ABCC1: variants seen among roughly 807,000 people sequenced by gnomAD.
ABCC1 encodes multidrug resistance-associated protein 1.
ABCC1 carries 83 observed loss-of-function variants against 172.9 expected under a neutral mutation model. The observed-to-expected ratio is 0.48, with a 90% CI of 0.40 to 0.58. The LOEUF is 0.58. ABCC1 is among the 20% of genes least tolerant of loss of function. ABCC1 has a pLI of 0.00. For synonymous variants in ABCC1, 937 were observed against 825.2 expected (o/e 1.14, Z -2.32); for missense variants, 1,817 against 2,002.7 (o/e 0.91, Z 1.77).
intron 1 of ABCC1, among the ~76,000 whole-genome samples, chr16:15,992,269 T>C (rs1303550453): frequency 1.3e-5 from 2 of 152,078 alleles, no homozygotes; most frequent in Non-Finnish European, 2.9e-5. Context: ...TGTATAATTA[T>C]TTCATTATAT....
chr16:16,102,838 C>A, intron 20 of ABCC1, 121 bp downstream of exon 20: 1 of 845,354 alleles, frequency 1.2e-6, no homozygotes, highest in Non-Finnish European at 1.8e-6. Flanking sequence ...TTTTACCTTC[C>A]CTCCCAAATC....
chr16:16,018,593 A>T (rs1057088828), intron 5 of ABCC1, among the ~76,000 whole-genome samples: 2 of 152,034 alleles, frequency 1.3e-5, no homozygotes, highest in Non-Finnish European at 2.9e-5. Flanking sequence ...TGTTCTGAGG[A>T]GTCCCGTGTT....
chr16:16,129,672 A>C (rs1187669733), intron 26 of ABCC1, among the ~76,000 whole-genome samples: 1 of 151,386 alleles, frequency 6.6e-6, no homozygotes, highest in Non-Finnish European at 1.5e-5. Flanking sequence ...CAAGTAGCTG[A>C]GATTACAGGC....
chr16:16,132,643 T>G (rs2045748789), intron 27 of ABCC1, among the ~76,000 whole-genome samples: 1 of 146,604 alleles, frequency 6.8e-6, no homozygotes, highest in African/African-American at 2.5e-5. Context: ...TGCCTTAGCC[T>G]CCCGAGTAGC....
intron 1 of ABCC1, among the ~76,000 whole-genome samples, chr16:15,961,187 GTCTCT>G (rs2046122714): frequency 6.6e-6 from 1 of 151,918 alleles, no homozygotes; most frequent in South Asian, 2.1e-4. Flanking sequence ...TGTTTTATGA[GTCTCT>G]TCTCTTTCTC....
At chr16:16,057,321 G>A (rs1035987303) in intron 12 of ABCC1, among the ~76,000 whole-genome samples, 1 of 149,962 alleles carries the variant, frequency 6.7e-6, no homozygotes, top group Admixed American at 6.7e-5. Context: ...ATCGAGCCAC[G>A]GCACTCCAGC....
rs144678510 is a variant in ABCC1, at chr16:15,958,172, C to A, written c.48+8373C>A. The stretch of plus-strand genomic sequence containing the variant: ...CCAGGCTGGAGTGCAGTAGTGGAAT[C>A]TCGGCTCACTGCAACCTCTGCCTCC... On this transcript the variant is annotated intron_variant, in intron 1 of 30. Coordinates refer to ENST00000399410, the MANE Select transcript of ABCC1 (RefSeq NM_004996.4). Among the ~76,000 whole-genome samples the A allele has an allele frequency of 1.3e-3, 195 of 152,296 alleles. 1 individual carries two copies. Among genetic ancestry groups the A allele is most frequent in the African/African-American group, 4.4e-3 (182 of 41,572 alleles).
intron 11 of ABCC1, among the ~76,000 whole-genome samples, chr16:16,053,378 C>CA (rs1306920642): frequency 6.6e-6 from 1 of 152,098 alleles, no homozygotes; most frequent in Non-Finnish European, 1.5e-5. Flanking sequence ...CTCAGCCTCT[C>CA]AAAGTGTTGG....
chr16:16,019,790 C>T (rs2048132201), intron 5 of ABCC1, among the ~76,000 whole-genome samples: 1 of 152,164 alleles, frequency 6.6e-6, no homozygotes, highest in East Asian at 1.9e-4. Flanking sequence ...GCTCTCAGCT[C>T]TGGCGGCTAA....
intron 20 of ABCC1, 99 bp from the exon 21 acceptor site, chr16:16,106,639 T>C (rs1471457334): frequency 3.4e-6 from 5 of 1,462,204 alleles, no homozygotes; most frequent in Admixed American, 1.8e-5. Flanking sequence ...CCGTCTCTTA[T>C]GCCATGGTTC....
chr16:15,960,909 C>A (rs566112513), intron 1 of ABCC1, among the ~76,000 whole-genome samples: 19 of 151,618 alleles, frequency 1.3e-4, no homozygotes, highest in Non-Finnish European at 1.8e-4. Context: ...CCAGGGAAGG[C>A]GCTTACCAGC....
intron 11 of ABCC1, among the ~76,000 whole-genome samples, chr16:16,054,572 G>T (rs570997341): frequency 8.7e-4 from 128 of 147,244 alleles, no homozygotes; most frequent in African/African-American, 3.1e-3. Context: ...ACATGGGCCT[G>T]TTGGAAGGAG....
At chr16:16,136,429 C>T in intron 28 of ABCC1, 49 bp from the exon 29 acceptor site, 1 of 1,599,284 alleles carries the variant, frequency 6.3e-7, no homozygotes, top group Non-Finnish European at 8.5e-7. Context: ...CCATCCATGT[C>T]AGCGTGACAC....
rs1028954977 is a variant in ABCC1 at position 15,949,731 on chromosome 16, G to A, written c.-21G>A. ...CCCGATCACCCGCCGCCCGGTGCCC[G>A]CCGCCGCCCGCGCCACCGGCATGGC... is the stretch of plus-strand genomic sequence containing the variant. On this transcript the variant is annotated 5_prime_UTR_variant, in exon 1 of 31. Transcript: ENST00000399410. The A allele has an allele frequency of 5.2e-6, 6 of 1,152,850 alleles. No individual in the cohort carries two copies. In the African/African-American group the frequency reaches 8.2e-5, roughly 16 times the overall value. The allele number at this position is 1,152,850 out of a possible 1,614,324, so 71.4% of individuals were successfully genotyped here. A position where few individuals can be genotyped will look rare whatever the true frequency, so the allele number is the denominator to read the frequency against.
Position 16,138,357 on chromosome 16 carries a change from G to T in ABCC1, c.4293-7G>T. ...CACTATCTCCTGGTTTTTTTCTTCCGGTCAAGTGTCGGGCAGCGCCAGCTT... is the reference window on the plus strand; with the variant it reads ...CACTATCTCCTGGTTTTTTTCTTCCTGTCAAGTGTCGGGCAGCGCCAGCTT... On this transcript the variant is annotated splice_polypyrimidine_tract_variant and splice_region_variant and intron_variant, in intron 29 of 30. Coordinates refer to ENST00000399410, the MANE Select transcript of ABCC1 (RefSeq NM_004996.4). 3 of 1,568,924 alleles carry T rather than the reference G, an allele frequency of 1.9e-6. No homozygotes were observed. Among genetic ancestry groups the T allele is most frequent in the Admixed American group, 1.8e-5 (1 of 56,636 alleles).
rs1419109707 is a variant in ABCC1, at chr16:16,106,790, A to G, written c.2788A>G (p.Ser930Gly). ...YSGDISRHHN[S>G]TAELQKAEAK... is the part of the protein sequence containing the mutation. ...TGGGGACATCAGCAGGCACCACAAC[A>G]GCACCGCAGAACTGCAGAAAGCTGA... Residue 930 changes from serine (S) to glycine (G), a missense_variant, in exon 21 of 31, where the codon AGC becomes GGC. Around this residue, in one of 3 missense-constraint regions of ABCC1, gnomAD observed 1,412 missense variants for 1,600.3 expected, o/e 0.88. Coordinates refer to ENST00000399410, the MANE Select transcript of ABCC1 (RefSeq NM_004996.4). 6.2e-7 allele frequency: 1 copy of G among 1,614,160 alleles called. No homozygotes were observed. The highest frequency in any genetic ancestry group is 8.5e-7 in the Non-Finnish European group (1 of 1,180,032).
chr16:16,033,345 C>T (rs781700749), intron 6 of ABCC1, among the ~76,000 whole-genome samples, 175 bp downstream of exon 6: 5 of 152,098 alleles, frequency 3.3e-5, no homozygotes, highest in African/African-American at 4.8e-5. Context: ...CAACTCTGTC[C>T]GGCAGTTCCG....
chr16:16,052,823 C>T lies in ABCC1; in HGVS notation c.1473+7C>T, dbSNP rs748023222. On this transcript the variant is annotated splice_region_variant and intron_variant, in intron 11 of 30. Transcript: ENST00000399410. ...GAAGACCAAGACGTATCAGGTAAGG[C>T]ATGTGTCTCTGCGGGCCCCCAAGCC... The T allele has an allele frequency of 3.1e-6, 5 of 1,614,054 alleles. No homozygotes were observed. Among genetic ancestry groups the T allele is most frequent in the East Asian group, 4.5e-5 (2 of 44,878 alleles).
intron 5 of ABCC1, among the ~76,000 whole-genome samples, chr16:16,031,665 G>A (rs770029083): frequency 2.6e-5 from 4 of 152,042 alleles, no homozygotes; most frequent in Non-Finnish European, 4.4e-5. Flanking sequence ...TTGGGAATGC[G>A]TTGCCTTTCC....
Sources: allele counts gnomAD v4.1 joint callset (sites outside exome capture counted in the v4.1 genomes callset), GRCh38; gene constraint gnomAD v4.1.1; regional missense constraint gnomAD v4.1.1; transcripts MANE v1.5; gene names NCBI Gene and HGNC (gene_info 2026-07-23, HGNC 2026-07-21).